Variants in M1AP observed in about 807,000 individuals in gnomAD.
The protein encoded by M1AP is meiosis 1 arrest protein.
M1AP carries 39 observed loss-of-function variants against 51.2 expected under a neutral mutation model. That is an observed-to-expected ratio of 0.76 (90% confidence interval 0.59 to 1.00). M1AP has a LOEUF of 1.00. Among genes scored for constraint, M1AP ranks in the 50% least tolerant of loss-of-function variants. M1AP has a pLI of 0.00. For synonymous variants in M1AP, 251 were observed against 249.2 expected, an observed-to-expected ratio of 1.01 and a Z score of -0.07; for missense variants, 545 against 641.2, an observed-to-expected ratio of 0.85 and a Z score of 1.62.
At chr2:74,559,539 T>G (rs1326929412) in intron 10 of M1AP, among the ~76,000 whole-genome samples, 159 bp downstream of exon 10, 4 of 152,186 alleles carry the variant, frequency 2.6e-5, no homozygotes, top group African/African-American at 9.7e-5. Flanking sequence ...GCCCAAATAT[T>G]ATATAGAACA....
intron 4 of M1AP, among the ~76,000 whole-genome samples, chr2:74,595,504 A>G (rs1207618054): frequency 6.6e-6 from 1 of 151,502 alleles, no homozygotes; most frequent in African/African-American, 2.4e-5. Flanking sequence ...GGTGCACACT[A>G]CCATGCCAGG....
rs887923916 is a variant in M1AP, at chr2:74,589,167, G to C, written c.596-7320C>G. Reference sequence around the variant, plus strand: ...CAGAAACTTGAATGACGTGAAGTGAGTCATAAAAACATTTGTGCGAAGATT... The same window carrying C: ...CAGAAACTTGAATGACGTGAAGTGACTCATAAAAACATTTGTGCGAAGATT... On this transcript the variant is annotated intron_variant, in intron 4 of 10. Transcript: ENST00000421985. Among the ~76,000 whole-genome samples the C allele has an allele frequency of 2.6e-5, 4 of 152,244 alleles. No individual in the cohort carries two copies. In the South Asian group the frequency reaches 8.3e-4, roughly 32 times the overall value.
At chr2:74,570,669 T>A (rs1015359544) in intron 7 of M1AP, among the ~76,000 whole-genome samples, 1 of 152,208 alleles carries the variant, frequency 6.6e-6, no homozygotes, top group Non-Finnish European at 1.5e-5. Flanking sequence ...AAGGTCAACA[T>A]GAGCAAAGGC....
intron 2 of M1AP, among the ~76,000 whole-genome samples, chr2:74,633,499 C>T (rs1682814126): frequency 6.6e-6 from 1 of 152,122 alleles, no homozygotes; most frequent in Admixed American, 6.5e-5. Context: ...CCCCTTACCC[C>T]TGATGTTTCC....
intron 2 of M1AP, among the ~76,000 whole-genome samples, chr2:74,622,359 C>A (rs1395144983): frequency 2.0e-5 from 3 of 151,954 alleles, no homozygotes; most frequent in Non-Finnish European, 4.4e-5. Flanking sequence ...CTGCCTCAGC[C>A]TCCTGAGTAG....
chr2:74,595,696 T>A (rs1021791642), intron 4 of M1AP, among the ~76,000 whole-genome samples: 1 of 152,214 alleles, frequency 6.6e-6, no homozygotes, highest in African/African-American at 2.4e-5. Flanking sequence ...ATGACAATTA[T>A]AACATGAAAG....
chr2:74,630,022 C>T (rs1682614609), intron 2 of M1AP, among the ~76,000 whole-genome samples: 1 of 150,944 alleles, frequency 6.6e-6, no homozygotes, highest in Non-Finnish European at 1.5e-5. Flanking sequence ...CTTACTGCAA[C>T]TTCAACCTCT....
In M1AP at chr2:74,574,571, C is replaced by T. The variant is rs78505022; in HGVS notation, c.1074+867G>A. ...TTTCATGTTTCCATTTTTGCTTCTG[C>T]GAGTTCATTTCCAAATTTCTGCCCA... On this transcript the variant is annotated intron_variant, in intron 7 of 10. Coordinates refer to ENST00000421985, the MANE Select transcript of M1AP (RefSeq NM_001321739.2). 3.3e-5 allele frequency among the ~76,000 whole-genome samples: 5 copies of T among 152,276 alleles called. No individual in the cohort carries two copies. In the East Asian group the frequency reaches 7.7e-4, roughly 23 times the overall value.
chr2:74,590,456 T>TA (rs1425477306), intron 4 of M1AP, among the ~76,000 whole-genome samples: 1 of 148,296 alleles, frequency 6.7e-6, no homozygotes, highest in East Asian at 2.1e-4. Context: ...GGGGGCGGGA[T>TA]ACAACATTCA....
At chr2:74,631,457 T>A (rs1682700434) in intron 2 of M1AP, among the ~76,000 whole-genome samples, 1 of 152,178 alleles carries the variant, frequency 6.6e-6, no homozygotes. Context: ...ACTTATAGTT[T>A]ATTATATTAT....
chr2:74,588,947 T>C (rs1285879684), intron 4 of M1AP, among the ~76,000 whole-genome samples: 3 of 152,252 alleles, frequency 2.0e-5, no homozygotes. Context: ...AGAGACAAAT[T>C]GCCTACTTTC....
At chr2:74,608,108 C>T (rs1421338147) in intron 3 of M1AP, among the ~76,000 whole-genome samples, 2 of 152,072 alleles carry the variant, frequency 1.3e-5, no homozygotes, top group Non-Finnish European at 2.9e-5. Context: ...CCACAGATTA[C>T]ATTAGGGTTG....
intron 4 of M1AP, among the ~76,000 whole-genome samples, chr2:74,595,160 T>G (rs538906062): frequency 1.1e-3 from 166 of 152,024 alleles, no homozygotes; most frequent in Non-Finnish European, 1.9e-3. Flanking sequence ...GGACTACAGG[T>G]GTGCACCACC....
chr2:74,576,666 G>A (rs1205149049), intron 5 of M1AP, 48 bp from the exon 6 acceptor site: 1 of 1,593,524 alleles, frequency 6.3e-7, no homozygotes, highest in East Asian at 2.2e-5. Context: ...ATTGGAGGAA[G>A]GATTGTGGGT....
intron 2 of M1AP, among the ~76,000 whole-genome samples, chr2:74,638,708 C>G (rs1683124271): frequency 6.6e-6 from 1 of 152,208 alleles, no homozygotes; most frequent in South Asian, 2.1e-4. Context: ...CGCCATCTTG[C>G]AACTGGATCC....
chr2:74,613,445 T>C (rs990185065), intron 3 of M1AP, among the ~76,000 whole-genome samples: 11 of 152,240 alleles, frequency 7.2e-5, no homozygotes, highest in Admixed American at 2.0e-4. Flanking sequence ...AGTCTTTTAG[T>C]GAACTTATGC....
intron 4 of M1AP, among the ~76,000 whole-genome samples, chr2:74,589,564 T>G (rs1425145632): frequency 6.6e-6 from 1 of 152,218 alleles, no homozygotes; most frequent in Non-Finnish European, 1.5e-5. Context: ...TATCAGCTTG[T>G]GTAAGGTGCC....
rs146577233 is a variant in M1AP, at chr2:74,626,192, T to C, written c.241-11043A>G. Among the ~76,000 whole-genome samples the C allele has an allele frequency of 1.6e-3, 242 of 152,204 alleles. 4 individuals are homozygous for C. In the East Asian group the frequency reaches 0.044, roughly 28 times the overall value. On this transcript the variant is annotated intron_variant, in intron 2 of 10. Transcript: ENST00000421985. ...TCTCTCCCTTAGCCCTAGGGTACCA[T>C]ATAAATTCCCTTATATCTTATAGGT...
At chr2:74,590,311 A>G (rs1471986963) in intron 4 of M1AP, among the ~76,000 whole-genome samples, 1 of 152,094 alleles carries the variant, frequency 6.6e-6, no homozygotes, top group Non-Finnish European at 1.5e-5. Context: ...CTCCTTAGGG[A>G]ACATTTTATA....
Sources: gnomAD v4.1 joint callset for allele counts (sites outside exome capture counted in the v4.1 genomes callset) on GRCh38, gnomAD v4.1.1 for gene constraint, MANE v1.5 for transcripts, NCBI Gene and HGNC (gene_info 2026-07-23, HGNC 2026-07-21) for gene names.